Variants in ROBO1 observed in about 807,000 individuals in gnomAD.
ROBO1 encodes roundabout homolog 1.
In ROBO1, 149 loss-of-function variants were observed where a neutral mutation model predicts 195.9. The observed-to-expected ratio is 0.76, with a 90% CI of 0.67 to 0.87. The LOEUF (loss-of-function observed/expected upper bound fraction) is 0.87. Among genes scored for constraint, ROBO1 ranks in the 40% least tolerant of loss-of-function variants. The pLI is 0.00. For synonymous variants in ROBO1, 816 were observed against 733.2 expected (o/e 1.11, Z -1.82); for missense variants, 1,933 against 2,068.3 (o/e 0.93, Z 1.27).
chr3:78,656,892 G>A (rs1476276081), intron 18 of ROBO1, among the ~76,000 whole-genome samples: 1 of 151,946 alleles, frequency 6.6e-6, no homozygotes, highest in South Asian at 2.1e-4. Flanking sequence ...TCTACATCTA[G>A]TCTGTCTCTC....
chr3:78,658,480 G>A (rs186005330), intron 17 of ROBO1, among the ~76,000 whole-genome samples: 13 of 152,246 alleles, frequency 8.5e-5, no homozygotes, highest in Admixed American at 1.3e-4. Context: ...TAGTAGAGAC[G>A]GGCTTTCACT....
intron 4 of ROBO1, among the ~76,000 whole-genome samples, chr3:78,847,231 C>T (rs528441027): frequency 6.6e-6 from 1 of 152,154 alleles, no homozygotes; most frequent in Non-Finnish European, 1.5e-5. Flanking sequence ...TGGAATATAA[C>T]TTCTTAAGAA....
rs574990710 is a variant in ROBO1, at chr3:79,555,472, G to A, written c.88+34352C>T. On this transcript the variant is annotated intron_variant, in intron 2 of 30. Coordinates refer to ENST00000464233, the MANE Select transcript of ROBO1 (RefSeq NM_002941.4). The stretch of plus-strand genomic sequence containing the variant: ...GGGAAAAGCAGCAGAAAAACATAGA[G>A]AAGAAAGAGAAGGGAAAGTTGCCGA... Among the ~76,000 whole-genome samples the A allele has an allele frequency of 5.3e-5, 8 of 152,194 alleles. 1 individual carries two copies. Among genetic ancestry groups the A allele is most frequent in the Middle Eastern group, 6.8e-3 (2 of 294 alleles).
At chr3:78,912,668 T>C (rs2038318235) in intron 4 of ROBO1, among the ~76,000 whole-genome samples, 1 of 152,116 alleles carries the variant, frequency 6.6e-6, no homozygotes, top group African/African-American at 2.4e-5. Flanking sequence ...TTTAGCTAAA[T>C]AGTGAAGCAT....
chr3:79,608,643 GAATA>G (rs1438358351), intron 1 of ROBO1, among the ~76,000 whole-genome samples: 1 of 151,814 alleles, frequency 6.6e-6, no homozygotes, highest in Non-Finnish European at 1.5e-5. Flanking sequence ...CCAGATTTCT[GAATA>G]AATAAAGCAT....
At chr3:79,746,934 C>T (rs1703903433) in intron 1 of ROBO1, among the ~76,000 whole-genome samples, 1 of 151,978 alleles carries the variant, frequency 6.6e-6, no homozygotes, top group African/African-American at 2.4e-5. Flanking sequence ...TGTAAAAAAG[C>T]ATTATTTCAG....
chr3:78,800,163 T>C (rs2084321189), intron 4 of ROBO1, among the ~76,000 whole-genome samples: 1 of 152,228 alleles, frequency 6.6e-6, no homozygotes, highest in African/African-American at 2.4e-5. Flanking sequence ...AGGTGGGGTA[T>C]ATTTTGCTTC....
chr3:78,600,119 T>A lies in ROBO1; in HGVS notation c.4935A>T (p.Glu1645Asp), dbSNP rs535963172. The change falls in exon 30 of 31, where the codon GAA becomes GAT. Residue 1645 changes from glutamate to aspartate, a missense_variant. Physicochemically the swap from Glu to Asp is conservative, Grantham distance 45. This residue lies in a region of ROBO1 where 1,737 missense variants were observed against 1,882.5 expected (regional missense o/e 0.92). Transcript: ENST00000464233. ...GYERGEDNNEELEETES is the reference protein window; with the variant it reads ...GYERGEDNNEDLEETES ...GGGGAAAAATTATAGATACCTCTAA[T>A]TCTTCATTATTATCTTCTCCTCTTT... 1.9e-6 allele frequency: 3 copies of A among 1,611,250 alleles called. No individual in the cohort carries two copies. In the East Asian group the frequency reaches 6.7e-5, roughly 36 times the overall value.
chr3:79,082,665 CCA>C (rs1327816692), intron 3 of ROBO1, among the ~76,000 whole-genome samples: 1 of 152,072 alleles, frequency 6.6e-6, no homozygotes, highest in East Asian at 1.9e-4. Context: ...GGGAGAAATC[CCA>C]GTTAGTTGTC....
intron 3 of ROBO1, among the ~76,000 whole-genome samples, chr3:78,990,951 C>T (rs1460794773): frequency 6.6e-6 from 1 of 152,084 alleles, no homozygotes; most frequent in African/African-American, 2.4e-5. Context: ...TTTAAATTGC[C>T]TTTGTAATAG....
intron 2 of ROBO1, among the ~76,000 whole-genome samples, chr3:79,349,076 G>A (rs372291573): frequency 6.6e-6 from 1 of 152,160 alleles, no homozygotes; most frequent in East Asian, 1.9e-4. Context: ...GAGGATGCTA[G>A]AGAAGGTAAC....
intron 2 of ROBO1, among the ~76,000 whole-genome samples, chr3:79,322,880 CAATT>C (rs71823115): frequency 1.3e-3 from 193 of 152,198 alleles, no homozygotes; most frequent in African/African-American, 4.0e-3. Flanking sequence ...AAAATGGACA[CAATT>C]AATCATGAAT....
intron 3 of ROBO1, among the ~76,000 whole-genome samples, chr3:79,062,416 C>T (rs2078935683): frequency 6.6e-6 from 1 of 152,088 alleles, no homozygotes; most frequent in African/African-American, 2.4e-5. Context: ...TAAATTAGTT[C>T]AAGCATTGTG....
chr3:78,989,917 T>C (rs2077196795), intron 3 of ROBO1, among the ~76,000 whole-genome samples: 1 of 152,022 alleles, frequency 6.6e-6, no homozygotes, highest in Non-Finnish European at 1.5e-5. Context: ...ATATAATAAA[T>C]TATTGAGTGG....
intron 2 of ROBO1, among the ~76,000 whole-genome samples, chr3:79,380,970 C>T (rs1359096042): frequency 2.6e-5 from 4 of 152,164 alleles, no homozygotes; most frequent in African/African-American, 4.8e-5. Flanking sequence ...AGCACACCCT[C>T]CATTTGGTTG....
chr3:79,376,718 T>G (rs2036398645), intron 2 of ROBO1, among the ~76,000 whole-genome samples: 1 of 152,300 alleles, frequency 6.6e-6, no homozygotes, highest in Non-Finnish European at 1.5e-5. Context: ...CCCTCTTTCC[T>G]TTATAAGTTA....
intron 4 of ROBO1, among the ~76,000 whole-genome samples, chr3:78,882,812 CTTTTTT>C (rs34634729): frequency 7.3e-6 from 1 of 136,486 alleles, no homozygotes; most frequent in African/African-American, 2.7e-5. Context: ...TCTTCCTAAT[CTTTTTT>C]TTTTTTTTTT....
intron 1 of ROBO1, among the ~76,000 whole-genome samples, chr3:79,654,472 A>AAAATG (rs1475723270): frequency 1.3e-5 from 2 of 152,048 alleles, no homozygotes; most frequent in African/African-American, 4.8e-5. Flanking sequence ...TATTCAATAT[A>AAAATG]AAATGAAATG....
chr3:79,532,513 G>T (rs1941700158), intron 2 of ROBO1, among the ~76,000 whole-genome samples: 1 of 152,106 alleles, frequency 6.6e-6, no homozygotes, highest in Non-Finnish European at 1.5e-5. Context: ...AGGCGTGGAT[G>T]TGCTATTGAA....
Sources: gnomAD v4.1 joint callset for allele counts (sites outside exome capture counted in the v4.1 genomes callset) on GRCh38, gnomAD v4.1.1 for gene constraint, gnomAD v4.1.1 regional missense constraint, MANE v1.5 for transcripts, NCBI Gene and HGNC (gene_info 2026-07-23, HGNC 2026-07-21) for gene names.